CCDC97: variants seen among roughly 807,000 people sequenced by gnomAD.
The protein encoded by CCDC97 is coiled-coil domain-containing protein 97.
Under a neutral mutation model 33.9 loss-of-function variants are expected in CCDC97, and 27 were observed. The observed-to-expected ratio is 0.80, with a 90% CI of 0.59 to 1.10. The LOEUF is 1.10. Among genes scored for constraint, CCDC97 ranks in the 50% least tolerant of loss-of-function variants. CCDC97 has a pLI of 0.00. For synonymous variants in CCDC97, 217 were observed against 194.0 expected (o/e 1.12, Z -0.99); for missense variants, 422 against 476.6 (o/e 0.89, Z 1.07).
intron 2 of CCDC97, among the ~76,000 whole-genome samples, 197 bp downstream of exon 2, chr19:41,317,036 G>A (rs2037758242): frequency 6.6e-6 from 1 of 152,222 alleles, no homozygotes; most frequent in Admixed American, 6.5e-5. Flanking sequence ...GTCCAGGGAA[G>A]AGAATGGGAC....
At chr19:41,317,923 C>T (rs558998221) in intron 2 of CCDC97, among the ~76,000 whole-genome samples, 55 of 142,228 alleles carry the variant, frequency 3.9e-4, no homozygotes, top group African/African-American at 1.1e-3. Context: ...TGGTGGCAGG[C>T]AACTGTAATC....
chr19:41,317,801 G>A (rs1046518778), intron 2 of CCDC97, among the ~76,000 whole-genome samples: 11 of 151,814 alleles, frequency 7.2e-5, no homozygotes, highest in Non-Finnish European at 1.5e-4. Flanking sequence ...GGTGATCCCA[G>A]CACTTTGGGA....
chr19:41,312,275 G>A (rs2037694580), intron 1 of CCDC97, among the ~76,000 whole-genome samples: 1 of 152,080 alleles, frequency 6.6e-6, no homozygotes, highest in Admixed American at 6.6e-5. Context: ...AGTAGAGATG[G>A]GGTTTCACCA....
In CCDC97 at chr19:41,324,370, T is replaced by C. The variant is rs2037860636; in HGVS notation, c.*1655T>C. On this transcript the variant is annotated 3_prime_UTR_variant, in exon 5 of 5. Transcript: ENST00000269967. ...CAGAAATGAAACAGGAACCCAGGCCTAGAATCACAAAGGTCCTAGAAACCA... is the reference window on the plus strand; with the variant it reads ...CAGAAATGAAACAGGAACCCAGGCCCAGAATCACAAAGGTCCTAGAAACCA... 1 of 152,224 alleles carries C rather than the reference T, an allele frequency of 6.6e-6. No individual in the cohort carries two copies. Among genetic ancestry groups the C allele is most frequent in the African/African-American group, 2.4e-5 (1 of 41,442 alleles). 9.4% of individuals were successfully genotyped at this position (152,224 alleles called of 1,614,324 possible). A position where few individuals can be genotyped will look rare whatever the true frequency, so the allele number is the denominator to read the frequency against.
chr19:41,316,735 A>C lies in CCDC97; in HGVS notation c.398A>C (p.Asp133Ala). 6.2e-7 allele frequency: 1 copy of C among 1,613,746 alleles called. No individual in the cohort carries two copies. The highest frequency in any genetic ancestry group is 8.5e-7 in the Non-Finnish European group (1 of 1,179,878). Residue 133 changes from aspartate (D) to alanine (A), a missense_variant, in exon 2 of 5, where the codon GAC (aspartate) becomes GCC (alanine). By Grantham distance (126) the Asp-to-Ala change is moderately radical (BLOSUM62 -2). Coordinates refer to ENST00000269967, the MANE Select transcript of CCDC97 (RefSeq NM_052848.3). ...FGHVRGDHRA[D>A]FYCAEVARQG... is the part of the protein sequence containing the mutation. ...CACGTGCGTGGCGACCACCGTGCAG[A>C]CTTCTACTGTGCTGAGGTGGCCCGG...
intron 1 of CCDC97, among the ~76,000 whole-genome samples, chr19:41,313,768 C>T (rs979569966): frequency 2.5e-4 from 38 of 152,108 alleles, no homozygotes; most frequent in African/African-American, 8.2e-4. Flanking sequence ...TGGCTGATCT[C>T]GGCTCACTGC....
chr19:41,315,579 C>T (rs1238157486), intron 1 of CCDC97, among the ~76,000 whole-genome samples: 1 of 151,086 alleles, frequency 6.6e-6, no homozygotes, highest in Non-Finnish European at 1.5e-5. Context: ...CATTGCACTC[C>T]AGCCTGGGCA....
intron 2 of CCDC97, among the ~76,000 whole-genome samples, chr19:41,319,081 G>A (rs549283532): frequency 2.6e-5 from 4 of 152,304 alleles, no homozygotes; most frequent in East Asian, 1.9e-4. Context: ...CCATGTACAC[G>A]TCCATGGGCA....
chr19:41,321,797 CAAGGGGGTAG>C (rs1414622272), intron 4 of CCDC97, among the ~76,000 whole-genome samples: 7 of 152,150 alleles, frequency 4.6e-5, no homozygotes, highest in Admixed American at 4.6e-4. Flanking sequence ...CAAGGGGTCG[CAAGGGGGTAG>C]GAGATCTCTG....
intron 3 of CCDC97, 27 bp from the exon 4 acceptor site, chr19:41,320,314 C>A: frequency 6.2e-7 from 1 of 1,612,680 alleles, no homozygotes; most frequent in South Asian, 1.1e-5. Flanking sequence ...CACCCGCATT[C>A]ACACCCCCTC....
intron 4 of CCDC97, chr19:41,320,868 CG>C (rs2037817429): frequency 5.0e-6 from 1 of 200,926 alleles, no homozygotes; most frequent in Non-Finnish European, 1.0e-5. Context: ...AGTTCATGCC[CG>C]GCATGGAGGG....
intron 4 of CCDC97, among the ~76,000 whole-genome samples, chr19:41,321,315 A>T (rs1398592407): frequency 2.0e-5 from 3 of 152,220 alleles, no homozygotes; most frequent in African/African-American, 7.2e-5. Flanking sequence ...CAAAGTGGTG[A>T]GCAGAGGGCC....
At chr19:41,318,918 C>T (rs541523211) in intron 2 of CCDC97, among the ~76,000 whole-genome samples, 3 of 152,276 alleles carry the variant, frequency 2.0e-5, no homozygotes, top group South Asian at 2.1e-4. Flanking sequence ...ACAGTGAAGG[C>T]GTGTCCACTG....
At chr19:41,317,005 A>G (rs956651800) in intron 2 of CCDC97, among the ~76,000 whole-genome samples, 166 bp downstream of exon 2, 2 of 152,212 alleles carry the variant, frequency 1.3e-5, no homozygotes, top group African/African-American at 4.8e-5. Context: ...AATGTAAAGT[A>G]AGGGGGAGAG....
chr19:41,320,646 GCCTTGT>G, intron 4 of CCDC97, 176 bp downstream of exon 4: 1 of 706,172 alleles, frequency 1.4e-6, no homozygotes, highest in Non-Finnish European at 2.3e-6. Flanking sequence ...CCTCGGACTA[GCCTTGT>G]CCATCTCAGA....
At chr19:41,317,380 G>A (rs1477638472) in intron 2 of CCDC97, among the ~76,000 whole-genome samples, 1 of 152,206 alleles carries the variant, frequency 6.6e-6, no homozygotes, top group Non-Finnish European at 1.5e-5. Flanking sequence ...AGCAGAGTGA[G>A]TTAAGTTGCC....
intron 1 of CCDC97, among the ~76,000 whole-genome samples, chr19:41,314,763 C>G (rs1292847444): frequency 2.0e-5 from 3 of 152,040 alleles, no homozygotes; most frequent in Non-Finnish European, 4.4e-5. Context: ...ACTTTGGAAG[C>G]CTGAGGCAGG....
In CCDC97 at chr19:41,319,581, G is replaced by A. The variant is rs1322303006; in HGVS notation, c.510G>A (p.Glu170=). 1 of 1,599,060 alleles carries A rather than the reference G, an allele frequency of 6.3e-7. No homozygotes were observed. Among genetic ancestry groups the A allele is most frequent in the Admixed American group, 1.7e-5 (1 of 59,250 alleles). ...TGTCTCTCCTCTGTGCAGGGGGCGA[G>A]TACTTCAGTGATGAGCAGATGCGGT... ...AALRELIQGG[E]YFSDEQMRFR... is the part of the protein sequence containing the mutation. Residue 170 remains glutamate (E), a synonymous_variant, in exon 3 of 5, where the codon GAG becomes GAA. Transcript: ENST00000269967.
In CCDC97 at chr19:41,322,908, C is replaced by T. The variant is rs1377161949; in HGVS notation, c.*193C>T. On this transcript the variant is annotated 3_prime_UTR_variant, in exon 5 of 5. Transcript: ENST00000269967. ...CCACTGTTTCTGGGGTTCCCTTTCT[C>T]ATCTCTCCCACCCTGTCTCCTGCCT... is the stretch of plus-strand genomic sequence containing the variant. 1.2e-5 allele frequency: 6 copies of T among 491,226 alleles called. No homozygotes were observed. The highest frequency in any genetic ancestry group is 1.0e-4 in the African/African-American group (5 of 50,048). The allele number at this position is 491,226 out of a possible 1,614,324, so 30.4% of individuals were successfully genotyped here. A position where few individuals can be genotyped will look rare whatever the true frequency, so the allele number is the denominator to read the frequency against.
Sources: gnomAD v4.1 joint callset for allele counts (sites outside exome capture counted in the v4.1 genomes callset) on GRCh38, gnomAD v4.1.1 for gene constraint, MANE v1.5 for transcripts, NCBI Gene and HGNC (gene_info 2026-07-23, HGNC 2026-07-21) for gene names.